Variants in AGBL1 observed in about 807,000 individuals in gnomAD.
The protein encoded by AGBL1 is cytosolic carboxypeptidase 4.
Under a neutral mutation model 118.9 loss-of-function variants are expected in AGBL1, and 130 were observed. The ratio of observed to expected loss-of-function variants is 1.09; its 90% CI spans 0.95 to 1.26. The LOEUF is 1.26. AGBL1 is among the 50% of genes most tolerant of loss of function. AGBL1 has a pLI of 0.00. For missense variants in AGBL1, 1,584 were observed against 1,298.1 expected (o/e 1.22, Z -3.38); for synonymous variants, 555 against 478.9 (o/e 1.16, Z -2.08).
intron 22 of AGBL1, among the ~76,000 whole-genome samples, chr15:86,827,502 T>TACAC (rs377536870): frequency 2.0e-5 from 1 of 49,452 alleles, no homozygotes; most frequent in East Asian, 6.7e-4. Flanking sequence ...TATATATATA[T>TACAC]ATATATATAT....
chr15:86,750,138 C>T (rs1212684882), intron 22 of AGBL1, among the ~76,000 whole-genome samples: 4 of 151,944 alleles, frequency 2.6e-5, no homozygotes, highest in African/African-American at 9.7e-5. Flanking sequence ...ACTCAGGATT[C>T]CCTGCAGAAA....
At chr15:86,705,756 G>T (rs900209573) in intron 22 of AGBL1, among the ~76,000 whole-genome samples, 1 of 152,126 alleles carries the variant, frequency 6.6e-6, no homozygotes, top group African/African-American at 2.4e-5. Context: ...TCTTTGAGGT[G>T]CATTCATCTG....
chr15:86,328,625 G>A (rs1028888009), intron 17 of AGBL1, among the ~76,000 whole-genome samples: 10 of 152,112 alleles, frequency 6.6e-5, no homozygotes, highest in Non-Finnish European at 1.0e-4. Flanking sequence ...GAGAATGTGG[G>A]TAAACAGCCC....
intron 22 of AGBL1, among the ~76,000 whole-genome samples, chr15:86,804,963 C>T (rs1006099740): frequency 2.6e-5 from 4 of 152,054 alleles, no homozygotes; most frequent in Non-Finnish European, 2.9e-5. Flanking sequence ...AAGGGAGATG[C>T]TGTTTAGACA....
intron 6 of AGBL1, among the ~76,000 whole-genome samples, chr15:86,232,827 AGCCCTCATGCCGTGT>A (rs1165367395): frequency 6.6e-6 from 1 of 152,178 alleles, no homozygotes; most frequent in Non-Finnish European, 1.5e-5. Context: ...CCCTGCATGT[AGCCCTCATGCCGTGT>A]CATAGTATAT....
chr15:86,758,049 T>G (rs2077967219), intron 22 of AGBL1, among the ~76,000 whole-genome samples: 1 of 152,108 alleles, frequency 6.6e-6, no homozygotes, highest in African/African-American at 2.4e-5. Context: ...GTTCTTTTCA[T>G]TTTACATATT....
chr15:86,543,870 T>C (rs1169255500), intron 19 of AGBL1, among the ~76,000 whole-genome samples: 2 of 152,228 alleles, frequency 1.3e-5, no homozygotes, highest in Non-Finnish European at 1.5e-5. Context: ...ATTTCCTCAT[T>C]CAACCATTGT....
chr15:86,151,710 C>G (rs1020528744), intron 3 of AGBL1, among the ~76,000 whole-genome samples: 4 of 152,192 alleles, frequency 2.6e-5, no homozygotes, highest in African/African-American at 9.6e-5. Flanking sequence ...AAAGAGTATT[C>G]AATTAGGAAA....
At chr15:86,771,708 A>G (rs373894560) in intron 22 of AGBL1, among the ~76,000 whole-genome samples, 9 of 152,084 alleles carry the variant, frequency 5.9e-5, no homozygotes, top group African/African-American at 9.7e-5. Context: ...GGATAAAAAA[A>G]AAGAAAAAGC....
At chr15:86,934,902 G>A (rs1000909690) in intron 23 of AGBL1, among the ~76,000 whole-genome samples, 1 of 152,124 alleles carries the variant, frequency 6.6e-6, no homozygotes, top group Non-Finnish European at 1.5e-5. Context: ...TTGGTAGGAC[G>A]ATAAGACATA....
intron 18 of AGBL1, among the ~76,000 whole-genome samples, chr15:86,483,826 T>A (rs947977967): frequency 6.6e-6 from 1 of 152,150 alleles, no homozygotes; most frequent in Non-Finnish European, 1.5e-5. Context: ...CTACAATTAT[T>A]GCTTACCAAT....
At chr15:86,986,209 C>T (rs978408876) in intron 23 of AGBL1, among the ~76,000 whole-genome samples, 1 of 152,162 alleles carries the variant, frequency 6.6e-6, no homozygotes, top group Non-Finnish European at 1.5e-5. Context: ...CAGGCGTGAG[C>T]CACGGCGCCC....
intron 21 of AGBL1, among the ~76,000 whole-genome samples, chr15:86,629,288 A>G (rs768519224): frequency 5.9e-5 from 9 of 152,308 alleles, no homozygotes; most frequent in Non-Finnish European, 1.0e-4. Context: ...TATTTTGCTT[A>G]TTTAAGAAAT....
chr15:86,494,750 T>A (rs889663755), intron 18 of AGBL1, among the ~76,000 whole-genome samples: 1 of 152,096 alleles, frequency 6.6e-6, no homozygotes, highest in Non-Finnish European at 1.5e-5. Context: ...CTCTAGAACA[T>A]TGACCTTTAA....
chr15:86,249,878 A>G (rs62013829), intron 7 of AGBL1, among the ~76,000 whole-genome samples: 3 of 152,254 alleles, frequency 2.0e-5, no homozygotes, highest in Non-Finnish European at 2.9e-5. Flanking sequence ...ATGAGGTGCT[A>G]TGAATCTGTG....
intron 22 of AGBL1, among the ~76,000 whole-genome samples, chr15:86,762,641 T>C (rs2078042651): frequency 6.6e-6 from 1 of 151,920 alleles, no homozygotes; most frequent in Non-Finnish European, 1.5e-5. Context: ...GGAGAAGGCA[T>C]AGGAAATGGG....
chr15:86,203,722 C>T (rs2077944327), intron 5 of AGBL1, among the ~76,000 whole-genome samples: 1 of 152,188 alleles, frequency 6.6e-6, no homozygotes, highest in South Asian at 2.1e-4. Flanking sequence ...CTGGTGACTT[C>T]CCCTTGCCAT....
At chr15:86,989,043 C>G (rs887619937) in intron 24 of AGBL1, among the ~76,000 whole-genome samples, 14 of 148,238 alleles carry the variant, frequency 9.4e-5, no homozygotes, top group African/African-American at 3.5e-4. Flanking sequence ...GCTCTATTGC[C>G]CAGGCTGGAG....
intron 21 of AGBL1, among the ~76,000 whole-genome samples, chr15:86,563,604 T>G (rs1357121095): frequency 6.6e-6 from 1 of 151,896 alleles, no homozygotes; most frequent in Admixed American, 6.6e-5. Flanking sequence ...GAATGTATAT[T>G]CTGTTGATTT....
Sources: allele counts gnomAD v4.1 joint callset (sites outside exome capture counted in the v4.1 genomes callset), GRCh38; gene constraint gnomAD v4.1.1; transcripts MANE v1.5; gene names NCBI Gene and HGNC (gene_info 2026-07-23, HGNC 2026-07-21).